LMCD1: variants seen among roughly 807,000 people sequenced by gnomAD.
LMCD1 encodes LIM and cysteine-rich domains protein 1.
LMCD1 carries 32 observed loss-of-function variants against 42.7 expected under a neutral mutation model. The observed-to-expected ratio is 0.75, with a 90% CI of 0.57 to 1.01. The LOEUF is 1.01. Among genes scored for constraint, LMCD1 ranks in the 50% least tolerant of loss-of-function variants. The pLI is 0.00. For missense variants in LMCD1, 458 were observed against 483.1 expected (o/e 0.95, Z 0.49); for synonymous variants, 178 against 184.9 (o/e 0.96, Z 0.30).
intron 1 of LMCD1, among the ~76,000 whole-genome samples, chr3:8,522,656 C>T (rs1415691258): frequency 6.6e-6 from 1 of 152,144 alleles, no homozygotes; most frequent in Non-Finnish European, 1.5e-5. Context: ...AACTTAATCT[C>T]ACCCATTAGA....
intron 3 of LMCD1, among the ~76,000 whole-genome samples, chr3:8,547,873 GAGACTCCA>G (rs1694767699): frequency 6.6e-6 from 1 of 150,964 alleles, no homozygotes; most frequent in Admixed American, 6.6e-5. Context: ...GCAACAGAGC[GAGACTCCA>G]TCTCAAAAAA....
chr3:8,522,932 T>G (rs1694234523), intron 1 of LMCD1, among the ~76,000 whole-genome samples: 1 of 152,208 alleles, frequency 6.6e-6, no homozygotes, highest in Admixed American at 6.5e-5. Flanking sequence ...ACGAGATAAA[T>G]CCATCTGACT....
intron 4 of LMCD1, among the ~76,000 whole-genome samples, chr3:8,556,834 A>G (rs181591739): frequency 1.3e-5 from 2 of 152,312 alleles, no homozygotes; most frequent in Non-Finnish European, 2.9e-5. Context: ...ACTTCATCAC[A>G]TAACCAGGGA....
intron 4 of LMCD1, 99 bp downstream of exon 4, chr3:8,549,002 T>A (rs1030119275): frequency 1.2e-6 from 1 of 868,438 alleles, no homozygotes; most frequent in Non-Finnish European, 1.7e-6. Context: ...CATTCATGCA[T>A]TTATTCATGA....
In LMCD1 at chr3:8,548,590, T is replaced by A; in HGVS notation, c.410T>A (p.Ile137Asn). The A allele has an allele frequency of 6.2e-7, 1 of 1,613,490 alleles. No homozygotes were observed. The highest frequency in any genetic ancestry group is 8.5e-7 in the Non-Finnish European group (1 of 1,179,562). ...TAGGGACTGCAGTACATGGAGCTCA[T>A]CCCCAAGGAGAAGCAGCCAGTGACA... ...QKLGLQYMEL[I>N]PKEKQPVTGT... Residue 137 changes from isoleucine (I) to asparagine (N), a missense_variant, in exon 4 of 6, where the codon ATC (isoleucine) becomes AAC (asparagine). By Grantham distance (149) the Ile-to-Asn change is moderately radical. Coordinates refer to ENST00000157600, the MANE Select transcript of LMCD1 (RefSeq NM_014583.4).
chr3:8,534,009 A>G (rs571394329), intron 2 of LMCD1, among the ~76,000 whole-genome samples: 26 of 151,988 alleles, frequency 1.7e-4, no homozygotes, highest in African/African-American at 6.3e-4. Flanking sequence ...AAACACTCCT[A>G]GGAGGAGTTC....
intron 1 of LMCD1, among the ~76,000 whole-genome samples, chr3:8,526,853 G>C (rs894367358): frequency 6.6e-6 from 1 of 152,228 alleles, no homozygotes. Flanking sequence ...TTATGGAAAA[G>C]ATGGGACTAA....
chr3:8,561,501 T>C (rs1395095063), intron 4 of LMCD1, among the ~76,000 whole-genome samples: 1 of 152,082 alleles, frequency 6.6e-6, no homozygotes, highest in Non-Finnish European at 1.5e-5. Context: ...TTCATTCTCA[T>C]GGGGCTTGCG....
chr3:8,551,152 CT>C, intron 4 of LMCD1: 3 of 985,360 alleles, frequency 3.0e-6, no homozygotes, highest in Non-Finnish European at 3.6e-6. Flanking sequence ...CACAATTTTA[CT>C]TTAATTATTA....
intron 2 of LMCD1, among the ~76,000 whole-genome samples, chr3:8,533,575 C>T (rs980152326): frequency 2.0e-5 from 3 of 152,102 alleles, no homozygotes; most frequent in African/African-American, 4.8e-5. Flanking sequence ...CTTGAGCGCT[C>T]AGTGGGGGGA....
chr3:8,522,394 A>G (rs1694223322), intron 1 of LMCD1, among the ~76,000 whole-genome samples: 1 of 152,064 alleles, frequency 6.6e-6, no homozygotes, highest in South Asian at 2.1e-4. Context: ...TGCCCTGCGG[A>G]GCTGATAGGA....
At chr3:8,541,133 C>T (rs1694618530) in intron 3 of LMCD1, among the ~76,000 whole-genome samples, 1 of 152,190 alleles carries the variant, frequency 6.6e-6, no homozygotes, top group Admixed American at 6.5e-5. Context: ...ATCCAGGGTA[C>T]AGGAGTGCCT....
chr3:8,568,320 A>G lies in LMCD1; in HGVS notation c.*722A>G, dbSNP rs1394424776. 1 of 152,250 alleles carries G rather than the reference A, an allele frequency of 6.6e-6. No individual in the cohort carries two copies. The highest frequency in any genetic ancestry group is 6.5e-5 in the Admixed American group (1 of 15,286). The allele number at this position is 152,250 out of a possible 1,614,324, so 9.4% of individuals were successfully genotyped here. On this transcript the variant is annotated 3_prime_UTR_variant, in exon 6 of 6. Coordinates refer to ENST00000157600, the MANE Select transcript of LMCD1 (RefSeq NM_014583.4). ...CCCAGATCACTAATGTAACAAAGGT[A>G]TCATGTTTTATGGTACACTGAAAAG...
intron 1 of LMCD1, among the ~76,000 whole-genome samples, chr3:8,531,900 A>G (rs950011675): frequency 2.6e-5 from 4 of 152,028 alleles, no homozygotes; most frequent in Non-Finnish European, 5.9e-5. Context: ...CCCCACCCCA[A>G]CCCCAATGGA....
intron 1 of LMCD1, among the ~76,000 whole-genome samples, chr3:8,525,839 G>A (rs1386385196): frequency 6.6e-6 from 1 of 152,194 alleles, no homozygotes; most frequent in Non-Finnish European, 1.5e-5. Context: ...AAATACTGAT[G>A]CCTGTAATCA....
chr3:8,555,541 A>C (rs1694919805), intron 4 of LMCD1, among the ~76,000 whole-genome samples: 1 of 152,172 alleles, frequency 6.6e-6, no homozygotes, highest in Non-Finnish European at 1.5e-5. Flanking sequence ...GGGCAGCCGC[A>C]AAATCACTAT....
At position 8,548,884 on chromosome 3, in the gene LMCD1, C is replaced by T. The variant is rs371191776; in HGVS notation, c.704C>T (p.Pro235Leu). Residue 235 changes from proline to leucine, a missense_variant, in exon 4 of 6, where the codon CCG becomes CTG. Coordinates refer to ENST00000157600, the MANE Select transcript of LMCD1 (RefSeq NM_014583.4). ...AATTNGSLSD[P>L]SKEVEYVCEL... Reference sequence around the variant, plus strand: ...ACCACCAACGGCAGTCTCAGTGACCCGTCCAAAGAAGTGGAATACGTAAGT... The same window carrying T: ...ACCACCAACGGCAGTCTCAGTGACCTGTCCAAAGAAGTGGAATACGTAAGT... 1.1e-4 allele frequency: 167 copies of T among 1,532,268 alleles called. No individual in the cohort carries two copies. The Middle Eastern group carries it at 1.4e-3, about 13-fold the overall frequency. The allele number at this position is 1,532,268 out of a possible 1,614,324, so 94.9% of individuals were successfully genotyped here.
At chr3:8,542,192 G>A (rs1174740127) in intron 3 of LMCD1, among the ~76,000 whole-genome samples, 3 of 151,618 alleles carry the variant, frequency 2.0e-5, no homozygotes, top group Non-Finnish European at 4.4e-5. Context: ...AGTAGAGATG[G>A]GGTTTTACCA....
intron 1 of LMCD1, among the ~76,000 whole-genome samples, chr3:8,524,916 C>T (rs1469732415): frequency 6.6e-6 from 1 of 152,094 alleles, no homozygotes; most frequent in African/African-American, 2.4e-5. Flanking sequence ...AACTCCTGGG[C>T]TCAAGCAAGT....
Sources: gnomAD v4.1 joint callset for allele counts (sites outside exome capture counted in the v4.1 genomes callset) on GRCh38, gnomAD v4.1.1 for gene constraint, MANE v1.5 for transcripts, NCBI Gene and HGNC (gene_info 2026-07-23, HGNC 2026-07-21) for gene names.